SBF2: variants seen among roughly 807,000 people sequenced by gnomAD.
SBF2 encodes SET binding factor 2, also known as myotubularin-related protein 13.
Under a neutral mutation model 225.2 loss-of-function variants are expected in SBF2, and 112 were observed. That is an observed-to-expected ratio of 0.50 (90% confidence interval 0.43 to 0.58). The LOEUF is 0.58. SBF2 is among the 20% of genes least tolerant of loss of function. The pLI is 0.00. For synonymous variants in SBF2, 763 were observed against 773.3 expected (o/e 0.99, Z 0.22); for missense variants, 1,996 against 2,206.2 (o/e 0.90, Z 1.91).
intron 13 of SBF2, among the ~76,000 whole-genome samples, chr11:9,979,931 T>G (rs1215631208): frequency 1.3e-5 from 2 of 151,000 alleles, no homozygotes; most frequent in Non-Finnish European, 3.0e-5. Context: ...CAAGCAATCC[T>G]CCCACCTCAG....
At position 9,997,777 on chromosome 11, in the gene SBF2, C is replaced by CA. The variant is rs768143171; in HGVS notation, c.975+488dup. ...TGGGCGACAGAGCAAGACTCCGTCT[C>CA]AAAAAAAAAGAATGAATTTTGGACA... On this transcript the variant is annotated intron_variant, in intron 9 of 39. Transcript: ENST00000256190. Among the ~76,000 whole-genome samples the CA allele has an allele frequency of 2.2e-4, 33 of 150,122 alleles. 1 individual carries two copies. The East Asian group carries it at 3.5e-3, about 16-fold the overall frequency.
In SBF2 at chr11:10,226,808, A is replaced by G. The variant is rs936700805; in HGVS notation, c.56-32821T>C. On this transcript the variant is annotated intron_variant, in intron 1 of 39. Coordinates refer to ENST00000256190, the MANE Select transcript of SBF2 (RefSeq NM_030962.4). Reference sequence around the variant, plus strand: ...TAAACATACATGTGCATGTGTCTTTATAGCAGCATGATTTATAATCCTTTG... The same window carrying G: ...TAAACATACATGTGCATGTGTCTTTGTAGCAGCATGATTTATAATCCTTTG... Among the ~76,000 whole-genome samples the G allele has an allele frequency of 5.9e-5, 9 of 152,292 alleles. No individual in the cohort carries two copies. In the South Asian group the frequency reaches 1.0e-3, roughly 18 times the overall value.
At chr11:9,798,628 T>C (rs993532566) in intron 32 of SBF2, among the ~76,000 whole-genome samples, 1 of 152,226 alleles carries the variant, frequency 6.6e-6, no homozygotes, top group African/African-American at 2.4e-5. Context: ...CAATATGTTC[T>C]AAAATTTCTT....
chr11:10,190,501 GA>G (rs1957123632), intron 2 of SBF2, among the ~76,000 whole-genome samples: 1 of 151,984 alleles, frequency 6.6e-6, no homozygotes, highest in South Asian at 2.1e-4. Flanking sequence ...TTTTTCAATA[GA>G]AAAATAGAAG....
chr11:9,807,157 G>C (rs1375677267), intron 32 of SBF2, among the ~76,000 whole-genome samples: 1 of 152,142 alleles, frequency 6.6e-6, no homozygotes, highest in African/African-American at 2.4e-5. Context: ...TGGGATTGTG[G>C]TCAAATGAAA....
chr11:9,859,110 A>G (rs186148713), intron 17 of SBF2, among the ~76,000 whole-genome samples: 37 of 152,326 alleles, frequency 2.4e-4, no homozygotes, highest in Admixed American at 2.2e-3. Context: ...CAACAGAGGG[A>G]AGGAAAATGA....
At chr11:10,001,976 T>C (rs183059146) in intron 7 of SBF2, among the ~76,000 whole-genome samples, 129 of 151,894 alleles carry the variant, frequency 8.5e-4, no homozygotes, top group African/African-American at 3.0e-3. Flanking sequence ...ACTGTTTAGA[T>C]TTTATTTTGT....
intron 1 of SBF2, among the ~76,000 whole-genome samples, chr11:10,277,002 CAGG>C (rs1417225667): frequency 6.6e-6 from 1 of 152,078 alleles, no homozygotes. Flanking sequence ...GAGGCCAAGG[CAGG>C]AGGATTCCTT....
chr11:9,957,628 T>A (rs929226747), intron 16 of SBF2: 2 of 151,892 alleles, frequency 1.3e-5, no homozygotes, highest in African/African-American at 4.8e-5. Flanking sequence ...CCCGGCTAAT[T>A]TTTTGTATTT....
chr11:10,142,355 G>A (rs1274008251), intron 2 of SBF2, among the ~76,000 whole-genome samples: 2 of 152,094 alleles, frequency 1.3e-5, no homozygotes, highest in African/African-American at 2.4e-5. Flanking sequence ...CAATGTGAAA[G>A]GACTGCAAGG....
intron 16 of SBF2, among the ~76,000 whole-genome samples, chr11:9,902,586 G>C (rs932240882): frequency 6.6e-6 from 1 of 152,142 alleles, no homozygotes; most frequent in Non-Finnish European, 1.5e-5. Context: ...TTACAGATTT[G>C]ATTTTTCAAT....
chr11:9,998,182 G>T, intron 9 of SBF2, 84 bp downstream of exon 9: 4 of 797,772 alleles, frequency 5.0e-6, no homozygotes, highest in Non-Finnish European at 8.6e-6. Flanking sequence ...GTAACAAACT[G>T]CATTGACAAA....
At chr11:9,814,282 G>A (rs1854344845) in intron 29 of SBF2, among the ~76,000 whole-genome samples, 1 of 152,136 alleles carries the variant, frequency 6.6e-6, no homozygotes, top group Non-Finnish European at 1.5e-5. Flanking sequence ...TACTCTATTG[G>A]ACCATCTGCT....
At chr11:10,144,884 G>T (rs1954816918) in intron 2 of SBF2, among the ~76,000 whole-genome samples, 1 of 152,146 alleles carries the variant, frequency 6.6e-6, no homozygotes, top group Non-Finnish European at 1.5e-5. Context: ...TAAATACTAA[G>T]CGTCAAGCAA....
chr11:10,246,098 T>C (rs903190010), intron 1 of SBF2, among the ~76,000 whole-genome samples: 1 of 152,126 alleles, frequency 6.6e-6, no homozygotes, highest in Non-Finnish European at 1.5e-5. Flanking sequence ...TACTTAAAAT[T>C]ATACAAAGAC....
rs192104129 is a variant in SBF2 at position 10,028,384 on chromosome 11, G to A, written c.619+68C>T. 9.6e-4 allele frequency: 937 copies of A among 976,410 alleles called. 8 individuals carry two copies. In the Admixed American group the frequency reaches 0.014, roughly 15 times the overall value. 60.5% of individuals were successfully genotyped at this position (976,410 alleles called of 1,614,324 possible). On this transcript the variant is annotated intron_variant, in intron 6 of 39. Transcript: ENST00000256190. ...TTCTTGATTCATGTGAGGTGATGTC[G>A]ACTTAAAATAAATCCTTTAATCATA... is the stretch of plus-strand genomic sequence containing the variant.
chr11:10,058,345 C>T (rs1950323533), intron 2 of SBF2, among the ~76,000 whole-genome samples: 1 of 152,046 alleles, frequency 6.6e-6, no homozygotes, highest in Admixed American at 6.6e-5. Flanking sequence ...AGCTGAAAAA[C>T]ACAATATAAG....
intron 16 of SBF2, among the ~76,000 whole-genome samples, chr11:9,945,837 A>G (rs1865529531): frequency 6.6e-6 from 1 of 152,208 alleles, no homozygotes; most frequent in Admixed American, 6.5e-5. Flanking sequence ...AAAATGTTCA[A>G]CATCACTAAT....
intron 1 of SBF2, among the ~76,000 whole-genome samples, chr11:10,261,069 TA>T (rs1366030186): frequency 6.6e-6 from 1 of 152,152 alleles, no homozygotes; most frequent in African/African-American, 2.4e-5. Context: ...TCAACATCAT[TA>T]ATCAGCAGAG....
Sources: gnomAD v4.1 joint callset for allele counts (sites outside exome capture counted in the v4.1 genomes callset) on GRCh38, gnomAD v4.1.1 for gene constraint, MANE v1.5 for transcripts, NCBI Gene and HGNC (gene_info 2026-07-23, HGNC 2026-07-21) for gene names.